The following SCGB2B2 variants were observed in gnomAD, a reference collection of about 807,000 sequenced individuals.
SCGB2B2 encodes the protein secretoglobin family 2B member 2.
A neutral mutation model predicts 7.6 loss-of-function variants in SCGB2B2; 11 were observed. That is an observed-to-expected ratio of 1.45 (90% CI 0.91 to 2.40). The LOEUF (loss-of-function observed/expected upper bound fraction) is 2.40, where lower values mean the gene tolerates loss of function less well. Ranked by LOEUF, SCGB2B2 falls within the 30% of genes most tolerant of loss-of-function variation. The pLI is 0.00. For missense variants in SCGB2B2, 104 were observed against 115.4 expected (o/e 0.90, Z 0.45); for synonymous variants, 50 against 48.6 (o/e 1.03, Z -0.12).
rs1488707846 is a variant in SCGB2B2, at chr19:34,676,769, A to C, written c.-3171T>G. The C allele has an allele frequency of 6.6e-6, 1 of 152,224 alleles. No homozygotes were observed. 9.4% of individuals were successfully genotyped at this position (152,224 alleles called of 1,614,324 possible). A position where few individuals can be genotyped will look rare whatever the true frequency, so the allele number is the denominator to read the frequency against. On this transcript the variant is annotated 5_prime_UTR_variant, in exon 1 of 4. In the 5' UTR this introduces an upstream ATG that the reference lacks. Coordinates refer to ENST00000601241, the MANE Select transcript of SCGB2B2 (RefSeq NM_001025591.4). Reference sequence around the variant, plus strand: ...TAGCGACACTATTTATAATTTTAAAAATGATTGAAGTCAATTAACATTTAA... The same window carrying C: ...TAGCGACACTATTTATAATTTTAAACATGATTGAAGTCAATTAACATTTAA...
chr19:34,670,125 C>T (rs1164430282), intron 1 of SCGB2B2, among the ~76,000 whole-genome samples: 1 of 152,146 alleles, frequency 6.6e-6, no homozygotes, highest in Non-Finnish European at 1.5e-5. Context: ...GCTATAGATT[C>T]AGTGCCAGTT....
intron 1 of SCGB2B2, among the ~76,000 whole-genome samples, chr19:34,637,038 A>C (rs143718378): frequency 1.3e-5 from 2 of 152,220 alleles, no homozygotes; most frequent in Admixed American, 6.5e-5. Context: ...AAAGAGCCTC[A>C]GAAGAAGATC....
chr19:34,596,801 G>A (rs953576410), intron 1 of SCGB2B2, among the ~76,000 whole-genome samples: 1 of 151,994 alleles, frequency 6.6e-6, no homozygotes, highest in African/African-American at 2.4e-5. Flanking sequence ...CAAGAGGGCC[G>A]CAGTGGGGCT....
chr19:34,598,801 G>T (rs979202310), intron 1 of SCGB2B2, among the ~76,000 whole-genome samples: 5 of 152,248 alleles, frequency 3.3e-5, no homozygotes, highest in Non-Finnish European at 7.3e-5. Context: ...CTAATCCCCT[G>T]CTTCTGATCC....
chr19:34,671,556 T>C (rs1236056162), intron 1 of SCGB2B2, among the ~76,000 whole-genome samples: 2 of 152,204 alleles, frequency 1.3e-5, no homozygotes, highest in Non-Finnish European at 2.9e-5. Flanking sequence ...TGAATATATG[T>C]TTATCAATTT....
In SCGB2B2 at chr19:34,594,651, T is replaced by TCGTG. The variant is rs2065394328; in HGVS notation, c.-92_-89dup. On this transcript the variant is annotated 5_prime_UTR_variant, in exon 2 of 4. The change abolishes the stop of an existing upstream ORF in the 5' untranslated region. Transcript: ENST00000601241. ...ATATCTGAACAAGGCACATGCCTCTTCGTGTGTGTGTGTGTGTGTGTGTGT... is the reference window on the plus strand; with the variant it reads ...ATATCTGAACAAGGCACATGCCTCTTCGTGCGTGTGTGTGTGTGTGTGTGTGTGT... 1.3e-6 allele frequency: 1 copy of TCGTG among 791,454 alleles called. No individual in the cohort carries two copies. Among genetic ancestry groups the TCGTG allele is most frequent in the African/African-American group, 2.0e-5 (1 of 48,958 alleles). The allele number at this position is 791,454 out of a possible 1,614,324, so 49.0% of individuals were successfully genotyped here. A position where few individuals can be genotyped will look rare whatever the true frequency, so the allele number is the denominator to read the frequency against.
intron 1 of SCGB2B2, chr19:34,635,055 G>T: frequency 6.7e-6 from 2 of 296,964 alleles, no homozygotes; most frequent in South Asian, 4.1e-5. Context: ...GAGCAAGTGT[G>T]ATTTTGCAGC....
chr19:34,632,738 T>C (rs1360402578), intron 1 of SCGB2B2: 1 of 152,248 alleles, frequency 6.6e-6, no homozygotes, highest in Non-Finnish European at 1.5e-5. Flanking sequence ...GGTGTGCTTA[T>C]GCTTATTTTC....
intron 1 of SCGB2B2, among the ~76,000 whole-genome samples, chr19:34,600,886 A>T (rs1156452993): frequency 1.3e-5 from 2 of 150,376 alleles, no homozygotes; most frequent in Non-Finnish European, 2.9e-5. Context: ...CTATAATTAA[A>T]TTTATCAATG....
Position 34,675,914 on chromosome 19 carries a change from G to C in SCGB2B2, c.-2316C>G, listed in dbSNP as rs1436540494. 6.6e-6 allele frequency: 1 copy of C among 152,268 alleles called. No homozygotes were observed. Among genetic ancestry groups the C allele is most frequent in the African/African-American group, 2.4e-5 (1 of 41,024 alleles). The allele number at this position is 152,268 out of a possible 1,614,324, so 9.4% of individuals were successfully genotyped here. On this transcript the variant is annotated 5_prime_UTR_variant, in exon 1 of 4. Transcript: ENST00000601241. ...TTCCTCCCAGTGGGTTTGTGGTCTC[G>C]CTGGCTTCAAGAGTGAAGCTGCAGA...
chr19:34,592,947 G>T lies in SCGB2B2; in HGVS notation c.*608C>A, dbSNP rs950143307. Among the ~76,000 whole-genome samples, 2 of 152,158 alleles carry T rather than the reference G, an allele frequency of 1.3e-5. No homozygotes were observed. Among genetic ancestry groups the T allele is most frequent in the Admixed American group, 6.5e-5 (1 of 15,278 alleles). On this transcript the variant is annotated 3_prime_UTR_variant, in exon 4 of 4. Transcript: ENST00000601241. ...AGGTTCTGCATTGAGGGGTTGTGGG[G>T]TAGAGGTAGGGGGAGAAAAAAGGAC...
At chr19:34,648,720 C>G (rs1224955422) in intron 1 of SCGB2B2, among the ~76,000 whole-genome samples, 5 of 151,126 alleles carry the variant, frequency 3.3e-5, no homozygotes, top group African/African-American at 1.2e-4. Flanking sequence ...CTTTTTTCCA[C>G]AGTTTTAATA....
intron 1 of SCGB2B2, among the ~76,000 whole-genome samples, chr19:34,620,187 C>T (rs2066200574): frequency 6.6e-6 from 1 of 151,814 alleles, no homozygotes; most frequent in Admixed American, 6.6e-5. Context: ...GGTATATACC[C>T]AAAGAATTAT....
chr19:34,665,947 G>A (rs1600071601), intron 1 of SCGB2B2, among the ~76,000 whole-genome samples: 1 of 152,108 alleles, frequency 6.6e-6, no homozygotes, highest in Admixed American at 6.5e-5. Context: ...AGAGAAGGAA[G>A]GAAGATGGAG....
rs1376293235 is a variant in SCGB2B2, at chr19:34,590,876, T to C, written c.*2679A>G. On this transcript the variant is annotated 3_prime_UTR_variant, in exon 4 of 4. Transcript: ENST00000601241. ...CTTATTCTTTCAAACACATGTGAAA[T>C]GCTTTTGCATCTCAAAGTATTTATA... 2.0e-5 allele frequency among the ~76,000 whole-genome samples: 3 copies of C among 152,242 alleles called. No individual in the cohort carries two copies. The highest frequency in any genetic ancestry group is 7.2e-5 in the African/African-American group (3 of 41,466).
chr19:34,595,963 T>G lies in SCGB2B2; in HGVS notation c.-1400A>C, dbSNP rs2065439765. The G allele has an allele frequency of 1.3e-5, 2 of 152,254 alleles. 1 individual carries two copies. Among genetic ancestry groups the G allele is most frequent in the South Asian group, 4.1e-4 (2 of 4,828 alleles). The allele number at this position is 152,254 out of a possible 1,614,324, so 9.4% of individuals were successfully genotyped here. A position where few individuals can be genotyped will look rare whatever the true frequency, so the allele number is the denominator to read the frequency against. Reference sequence around the variant, plus strand: ...GGGACACGCCCGGTGCAGAGGACACTCACTGGGCTGCTGAGAGCCATGTAG... The same window carrying G: ...GGGACACGCCCGGTGCAGAGGACACGCACTGGGCTGCTGAGAGCCATGTAG... On this transcript the variant is annotated 5_prime_UTR_variant, in exon 2 of 4. Transcript: ENST00000601241.
chr19:34,642,032 C>A (rs912354080), intron 1 of SCGB2B2, among the ~76,000 whole-genome samples: 5 of 152,202 alleles, frequency 3.3e-5, no homozygotes, highest in Admixed American at 2.6e-4. Context: ...GCAGGGTCTC[C>A]AATGCCACTC....
intron 1 of SCGB2B2, among the ~76,000 whole-genome samples, chr19:34,665,595 G>A (rs980336003): frequency 1.5e-5 from 2 of 130,458 alleles, no homozygotes; most frequent in Non-Finnish European, 3.6e-5. Context: ...CCTGCAGTGT[G>A]GTGGGTGGGA....
chr19:34,635,513 C>T (rs554201109), intron 1 of SCGB2B2: 2 of 295,322 alleles, frequency 6.8e-6, no homozygotes, highest in Non-Finnish European at 1.4e-5. Context: ...ATTCGCTGCA[C>T]CCGTAAGGCT....
Sources: gnomAD v4.1 joint callset for allele counts (sites outside exome capture counted in the v4.1 genomes callset) on GRCh38, gnomAD v4.1.1 for gene constraint, MANE v1.5 for transcripts, NCBI Gene and HGNC (gene_info 2026-07-23, HGNC 2026-07-21) for gene names.